NELL2: variants seen among roughly 807,000 people sequenced by gnomAD.
NELL2 encodes the protein protein kinase C-binding protein NELL2.
In NELL2, 41 loss-of-function variants were observed where a neutral mutation model predicts 109.6. The ratio of observed to expected loss-of-function variants is 0.37; its 90% CI spans 0.29 to 0.49. The LOEUF (loss-of-function observed/expected upper bound fraction) is 0.49. Ranked by LOEUF, NELL2 falls within the 20% of genes least tolerant of loss-of-function variation. The probability of loss-of-function intolerance (pLI) is 0.98; values close to 1 mark genes in which losing one functional copy is unlikely to be tolerated. For missense variants in NELL2, 900 were observed against 1,008.3 expected, an observed-to-expected ratio of 0.89 and a Z score of 1.45; for synonymous variants, 355 against 344.7, an observed-to-expected ratio of 1.03 and a Z score of -0.33.
intron 13 of NELL2, among the ~76,000 whole-genome samples, chr12:44,620,788 C>T (rs1452410392): frequency 2.0e-5 from 3 of 152,116 alleles, no homozygotes; most frequent in Non-Finnish European, 4.4e-5. Context: ...TCTGCAGGTG[C>T]CCCAAACTGG....
chr12:44,897,027 A>T (rs376475260), intron 1 of NELL2, among the ~76,000 whole-genome samples: 21 of 152,326 alleles, frequency 1.4e-4, no homozygotes, highest in African/African-American at 4.6e-4. Context: ...AATAAATACT[A>T]AATCTGCTGG....
Position 44,860,962 on chromosome 12 carries a change from T to C in NELL2, c.184+14263A>G, listed in dbSNP as rs550425304. Among the ~76,000 whole-genome samples the C allele has an allele frequency of 3.9e-5, 6 of 152,272 alleles. No homozygotes were observed. In the East Asian group the frequency reaches 9.6e-4, roughly 24 times the overall value. ...ATCTAAATCTTAATTAATTCAGAAG[T>C]ACCAAGAACCACACATTAGAAAGAT... On this transcript the variant is annotated intron_variant, in intron 2 of 19. Coordinates refer to ENST00000429094, the MANE Select transcript of NELL2 (RefSeq NM_001145108.2).
chr12:44,915,781 G>T (rs1437940929), upstream of NELL2, among the ~76,000 whole-genome samples: 1 of 151,284 alleles, frequency 6.6e-6, no homozygotes, highest in Non-Finnish European at 1.5e-5. Context: ...TGTAGGAAGA[G>T]ATGCAAAAAA....
At chr12:44,733,960 C>T (rs914650292) in intron 9 of NELL2, among the ~76,000 whole-genome samples, 5 of 151,886 alleles carry the variant, frequency 3.3e-5, no homozygotes, top group Non-Finnish European at 5.9e-5. Context: ...TCCATGGGTG[C>T]TTAAAGGCTT....
chr12:44,596,833 T>C (rs1468955005), intron 15 of NELL2, among the ~76,000 whole-genome samples: 4 of 152,176 alleles, frequency 2.6e-5, no homozygotes, highest in Non-Finnish European at 5.9e-5. Context: ...TTGCAGAGCC[T>C]AGATTTATAG....
At chr12:44,687,337 C>T (rs977718352) in intron 12 of NELL2, among the ~76,000 whole-genome samples, 1 of 152,184 alleles carries the variant, frequency 6.6e-6, no homozygotes, top group African/African-American at 2.4e-5. Flanking sequence ...CCCGGTACCT[C>T]AGGTGGAAAT....
At position 44,733,292 on chromosome 12, in the gene NELL2, G is replaced by A. The variant is rs185243478; in HGVS notation, c.995-18551C>T. On this transcript the variant is annotated intron_variant, in intron 9 of 19. Coordinates refer to ENST00000429094, the MANE Select transcript of NELL2 (RefSeq NM_001145108.2). ...GCAGCATCATTTGCAATAGCCAAGAGGTGGAAACAACCTAAGTGTCCACTG... is the reference window on the plus strand; with the variant it reads ...GCAGCATCATTTGCAATAGCCAAGAAGTGGAAACAACCTAAGTGTCCACTG... 7.6e-4 allele frequency among the ~76,000 whole-genome samples: 116 copies of A among 151,812 alleles called. 1 individual carries two copies. The highest frequency in any genetic ancestry group is 2.1e-4 in the Non-Finnish European group (14 of 67,800).
intron 11 of NELL2, 96 bp from the exon 12 acceptor site, chr12:44,703,950 C>A: frequency 9.4e-7 from 1 of 1,060,420 alleles, no homozygotes; most frequent in Non-Finnish European, 1.3e-6. Flanking sequence ...AGCTATGACT[C>A]CCTAAATAAT....
At chr12:44,827,794 G>T (rs1193788291) in intron 2 of NELL2, among the ~76,000 whole-genome samples, 1 of 152,092 alleles carries the variant, frequency 6.6e-6, no homozygotes, top group Non-Finnish European at 1.5e-5. Context: ...CTATCTCTTT[G>T]ATATACTGAC....
intron 15 of NELL2, among the ~76,000 whole-genome samples, chr12:44,561,573 C>T (rs1183362294): frequency 2.0e-5 from 3 of 152,008 alleles, no homozygotes. Flanking sequence ...TTAACAATTG[C>T]TACAAAGAGA....
intron 15 of NELL2, among the ~76,000 whole-genome samples, chr12:44,583,174 T>C (rs1167364376): frequency 2.0e-5 from 3 of 152,126 alleles, no homozygotes; most frequent in Admixed American, 2.0e-4. Context: ...CCAAGGAAGG[T>C]ACGGTGGAAG....
At chr12:44,768,744 T>C (rs1168461990) in intron 9 of NELL2, among the ~76,000 whole-genome samples, 1 of 142,374 alleles carries the variant, frequency 7.0e-6, no homozygotes, top group Non-Finnish European at 1.5e-5. Flanking sequence ...TTTCTTTTGA[T>C]TGCTACTTCT....
chr12:44,667,251 G>T (rs1654176900), intron 12 of NELL2, among the ~76,000 whole-genome samples: 1 of 152,042 alleles, frequency 6.6e-6, no homozygotes, highest in South Asian at 2.1e-4. Flanking sequence ...AAAAACACTA[G>T]TTCTTGGGCC....
intron 13 of NELL2, among the ~76,000 whole-genome samples, chr12:44,655,207 C>A (rs1046332741): frequency 6.6e-6 from 1 of 152,138 alleles, no homozygotes; most frequent in Admixed American, 6.5e-5. Flanking sequence ...CGGCTCCCAC[C>A]GTCCCAGTCC....
At chr12:44,891,551 G>T (rs767501995) in intron 1 of NELL2, among the ~76,000 whole-genome samples, 1 of 152,034 alleles carries the variant, frequency 6.6e-6, no homozygotes, top group Non-Finnish European at 1.5e-5. Context: ...TTGAATTTTT[G>T]TTCATTCTTA....
At chr12:44,669,722 TAAG>T (rs1948072564) in intron 12 of NELL2, among the ~76,000 whole-genome samples, 2 of 151,954 alleles carry the variant, frequency 1.3e-5, no homozygotes, top group South Asian at 4.1e-4. Context: ...TAAAACAGAA[TAAG>T]AAGAATAAAA....
chr12:44,641,205 A>G (rs1017802262), intron 13 of NELL2, among the ~76,000 whole-genome samples: 1 of 152,256 alleles, frequency 6.6e-6, no homozygotes, highest in Non-Finnish European at 1.5e-5. Context: ...CTGTACGTAC[A>G]TAATACATAT....
chr12:44,836,356 C>T (rs986451559), intron 2 of NELL2, among the ~76,000 whole-genome samples: 1 of 152,160 alleles, frequency 6.6e-6, no homozygotes, highest in African/African-American at 2.4e-5. Flanking sequence ...CACACAGTTA[C>T]CCAAGCCTAG....
Position 44,885,372 on chromosome 12 carries a change from T to C in NELL2, c.39-9472A>G, listed in dbSNP as rs777949322. Among the ~76,000 whole-genome samples the C allele has an allele frequency of 3.3e-5, 5 of 152,002 alleles. 1 individual carries two copies. The highest frequency in any genetic ancestry group is 4.8e-5 in the African/African-American group (2 of 41,326). On this transcript the variant is annotated intron_variant, in intron 1 of 20. Coordinates refer to the NELL2 transcript ENST00000333837. ...ATGTTTTCCCTAAATGATATGGTCATCTACCTTTAAAAAATCCCAAAGCAT... is the reference window on the plus strand; with the variant it reads ...ATGTTTTCCCTAAATGATATGGTCACCTACCTTTAAAAAATCCCAAAGCAT...
Sources: allele counts gnomAD v4.1 joint callset (sites outside exome capture counted in the v4.1 genomes callset), GRCh38; gene constraint gnomAD v4.1.1; transcripts MANE v1.5; gene names NCBI Gene and HGNC (gene_info 2026-07-23, HGNC 2026-07-21).